SPTBN4: variants seen among roughly 807,000 people sequenced by gnomAD.
SPTBN4 encodes spectrin beta chain, non-erythrocytic 4.
SPTBN4 carries 96 observed loss-of-function variants against 277.8 expected under a neutral mutation model. The ratio of observed to expected loss-of-function variants is 0.35; its 90% confidence interval spans 0.29 to 0.41. SPTBN4 has a LOEUF of 0.41. Among genes scored for constraint, SPTBN4 ranks in the 10% least tolerant of loss-of-function variants. The pLI, the probability that SPTBN4 is intolerant of heterozygous loss-of-function variation, is 1.00. For missense variants in SPTBN4, 3,006 were observed against 3,595.7 expected, an observed-to-expected ratio of 0.84 and a Z score of 4.19; for synonymous variants, 1,481 against 1,580.3, an observed-to-expected ratio of 0.94 and a Z score of 1.49.
chr19:40,567,499 C>A (rs1354715272), intron 30 of SPTBN4, among the ~76,000 whole-genome samples, 164 bp from the exon 31 acceptor site: 2 of 152,080 alleles, frequency 1.3e-5, no homozygotes, highest in Non-Finnish European at 2.9e-5. Context: ...GCTTTAAGTT[C>A]TTGGCAGAGA....
At chr19:40,478,869 A>G (rs2079977959) in intron 2 of SPTBN4, among the ~76,000 whole-genome samples, 1 of 152,104 alleles carries the variant, frequency 6.6e-6, no homozygotes, top group African/African-American at 2.4e-5. Flanking sequence ...AATGCTCACA[A>G]ATGCACAACT....
At position 40,576,340 on chromosome 19, in the gene SPTBN4, C is replaced by CG. The variant is rs1387320206; in HGVS notation, c.*776dup. On this transcript the variant is annotated 3_prime_UTR_variant, in exon 36 of 36. Transcript: ENST00000598249. ...TGGCTGGAGCACCTCCCTGGGGAGT[C>CG]GGGGGATTGGGTTGTGGGCAGTCCC... 6.5e-6 allele frequency: 1 copy of CG among 152,732 alleles called. No individual in the cohort carries two copies. The highest frequency in any genetic ancestry group is 1.5e-5 in the Non-Finnish European group (1 of 68,214). 9.5% of individuals were successfully genotyped at this position (152,732 alleles called of 1,614,324 possible). A position where few individuals can be genotyped will look rare whatever the true frequency, so the allele number is the denominator to read the frequency against.
At chr19:40,492,900 G>A in intron 4 of SPTBN4, 63 bp from the exon 5 acceptor site, 3 of 1,439,674 alleles carry the variant, frequency 2.1e-6, no homozygotes, top group South Asian at 2.3e-5. Flanking sequence ...CAGATGGTGA[G>A]TGGGGGGCAT....
Position 40,515,932 on chromosome 19 carries a change from CACATATATACGTATATAT to C in SPTBN4, c.2903+488_2903+505del, listed in dbSNP as rs1458986640. 3.4e-4 allele frequency among the ~76,000 whole-genome samples: 38 copies of C among 113,216 alleles called. No homozygotes were observed. Among genetic ancestry groups the C allele is most frequent in the Non-Finnish European group, 4.2e-4 (23 of 55,270 alleles). 74.3% of individuals were successfully genotyped at this position (113,216 alleles called of 152,430 possible). A position where few individuals can be genotyped will look rare whatever the true frequency, so the allele number is the denominator to read the frequency against. ...ATATATACACACACATATATATACA[CACATATATACGTATATAT>C]ACACATATATACGTATATATACACA... On this transcript the variant is annotated intron_variant, in intron 15 of 35. Coordinates refer to ENST00000598249, the MANE Select transcript of SPTBN4 (RefSeq NM_020971.3). The surrounding 1 kb of genome is among the most constrained non-coding windows in gnomAD (Gnocchi z 4.1).
intron 17 of SPTBN4, among the ~76,000 whole-genome samples, chr19:40,526,721 AC>A (rs1232423986): frequency 2.0e-5 from 3 of 152,026 alleles, no homozygotes; most frequent in African/African-American, 7.3e-5. Flanking sequence ...AGTAGCTGGG[AC>A]TAAAAGCATG....
At chr19:40,574,259 G>A (rs1413806004) in intron 35 of SPTBN4, among the ~76,000 whole-genome samples, 1 of 152,184 alleles carries the variant, frequency 6.6e-6, no homozygotes, top group East Asian at 1.9e-4. Context: ...AGGAGGAAGA[G>A]GAGTCTGAGA....
chr19:40,536,885 A>G (rs376505002), intron 20 of SPTBN4, among the ~76,000 whole-genome samples: 56 of 152,180 alleles, frequency 3.7e-4, no homozygotes, highest in African/African-American at 1.3e-3. Context: ...TCTGGGGCTC[A>G]AGTGATGCTC....
intron 20 of SPTBN4, among the ~76,000 whole-genome samples, chr19:40,537,616 GGGA>G (rs946278487): frequency 2.7e-4 from 41 of 152,260 alleles, no homozygotes; most frequent in Non-Finnish European, 5.1e-4. Flanking sequence ...AGCCCCATGA[GGGA>G]GGTCCTGTTA....
rs776049905 is a variant in SPTBN4, at chr19:40,529,128, C to CGAG, written c.3947_3948+1dup. 70 of 1,613,662 alleles carry CGAG rather than the reference C, an allele frequency of 4.3e-5. No homozygotes were observed. Among genetic ancestry groups the CGAG allele is most frequent in the Non-Finnish European group, 5.8e-5 (69 of 1,179,738 alleles). On this transcript the variant is annotated inframe_insertion, in exon 18 of 36. Coordinates refer to ENST00000598249, the MANE Select transcript of SPTBN4 (RefSeq NM_020971.3). ...TGCAGCACTTCCTCCGAGACTGCCA[C>CGAG]GAGGTAGGAACTCCAGGTGTGCTGG...
chr19:40,567,015 G>C (rs1473852867), intron 30 of SPTBN4: 2 of 331,680 alleles, frequency 6.0e-6, no homozygotes, highest in South Asian at 4.3e-5. Context: ...AGGCTGGGTG[G>C]GGTGGCTCAC....
chr19:40,485,046 T>C (rs1045305314), intron 2 of SPTBN4, among the ~76,000 whole-genome samples: 2 of 151,984 alleles, frequency 1.3e-5, no homozygotes, highest in African/African-American at 4.8e-5. Flanking sequence ...TTTCACCATG[T>C]TGGCCAGGCT....
intron 17 of SPTBN4, chr19:40,524,603 G>C (rs1250561992): frequency 6.6e-6 from 3 of 456,436 alleles, no homozygotes; most frequent in Non-Finnish European, 1.3e-5. Context: ...GACCTCCCCA[G>C]ATCCAGCAGC....
Position 40,494,915 on chromosome 19 carries a change from C to A in SPTBN4, c.606C>A (p.Ile202=), listed in dbSNP as rs755301903. 4 of 1,614,140 alleles carry A rather than the reference C, an allele frequency of 2.5e-6. No individual in the cohort carries two copies. The South Asian group carries it at 4.4e-5, about 18-fold the overall frequency. Residue 202 remains isoleucine, a synonymous_variant, in exon 6 of 36, where the codon ATC becomes ATA. Coordinates refer to ENST00000598249, the MANE Select transcript of SPTBN4 (RefSeq NM_020971.3). ...MKTAGYPEVN[I]QNFTTSWRDG... ...CTTCCAGTTACCCTGAGGTAAACATCCAGAATTTCACCACCAGCTGGCGGG... is the reference window on the plus strand; with the variant it reads ...CTTCCAGTTACCCTGAGGTAAACATACAGAATTTCACCACCAGCTGGCGGG...
chr19:40,535,265 C>G (rs899679086), intron 20 of SPTBN4, among the ~76,000 whole-genome samples: 1 of 152,048 alleles, frequency 6.6e-6, no homozygotes, highest in African/African-American at 2.4e-5. Context: ...ACCATATTGC[C>G]TAGGGTAGTC....
intron 25 of SPTBN4, 25 bp from the exon 26 acceptor site, chr19:40,556,998 C>G (rs756893843): frequency 1.0e-5 from 11 of 1,070,800 alleles, no homozygotes; most frequent in African/African-American, 1.0e-4. Flanking sequence ...TTTGCTGTAC[C>G]CCCCCCCCCA....
intron 20 of SPTBN4, among the ~76,000 whole-genome samples, chr19:40,539,778 C>G (rs989135113): frequency 1.1e-4 from 16 of 152,090 alleles, no homozygotes; most frequent in Non-Finnish European, 2.4e-4. Context: ...CCGCGCCTGG[C>G]TGTGCCTCAT....
chr19:40,492,017 C>T (rs2145831219), intron 4 of SPTBN4, among the ~76,000 whole-genome samples: 1 of 147,462 alleles, frequency 6.8e-6, no homozygotes, highest in South Asian at 2.1e-4. Context: ...AGTGAAACTC[C>T]ATCTAAAAAA....
chr19:40,531,091 G>T (rs1463382422), intron 18 of SPTBN4, among the ~76,000 whole-genome samples: 4 of 151,774 alleles, frequency 2.6e-5, no homozygotes, highest in Non-Finnish European at 5.9e-5. Flanking sequence ...GGGTCTAGGG[G>T]GCTCTGACTT....
At chr19:40,484,954 C>CA (rs199964599) in intron 2 of SPTBN4, among the ~76,000 whole-genome samples, 1,767 of 87,086 alleles carry the variant, frequency 0.02, 28 homozygotes, top group African/African-American at 0.13. Flanking sequence ...AAACAAAAAC[C>CA]AAAAAACAAA....
Sources: gnomAD v4.1 joint callset for allele counts (sites outside exome capture counted in the v4.1 genomes callset) on GRCh38, gnomAD v4.1.1 for gene constraint, Gnocchi (gnomAD v3.1) non-coding constraint, MANE v1.5 for transcripts, NCBI Gene and HGNC (gene_info 2026-07-23, HGNC 2026-07-21) for gene names.